Variants in DDX10 observed in about 807,000 individuals in gnomAD.
DDX10 encodes the protein DEAD-box helicase 10, also known as probable ATP-dependent RNA helicase DDX10.
A neutral mutation model predicts 104.3 loss-of-function variants in DDX10; 74 were observed. The observed-to-expected ratio is 0.71, with a 90% CI of 0.59 to 0.86. The LOEUF (loss-of-function observed/expected upper bound fraction) is 0.86, where lower values mean the gene tolerates loss of function less well. Among genes scored for constraint, DDX10 ranks in the 40% least tolerant of loss-of-function variants. The pLI, the probability that DDX10 is intolerant of heterozygous loss-of-function variation, is 0.00. For synonymous variants in DDX10, 351 were observed against 353.4 expected (o/e 0.99, Z 0.08); for missense variants, 952 against 1,040.0 (o/e 0.92, Z 1.16).
intron 15 of DDX10, among the ~76,000 whole-genome samples, chr11:108,847,396 G>C (rs1315947215): frequency 6.6e-6 from 1 of 152,134 alleles, no homozygotes; most frequent in Non-Finnish European, 1.5e-5. Context: ...GCTGAGAATA[G>C]AGAAAAACAA....
intron 13 of DDX10, among the ~76,000 whole-genome samples, chr11:108,818,289 A>C (rs1353797848): frequency 1.3e-5 from 2 of 152,210 alleles, no homozygotes; most frequent in Non-Finnish European, 2.9e-5. Context: ...AGCAGGTTGA[A>C]AATTAACTGT....
chr11:108,753,789 A>G (rs973926845), intron 13 of DDX10, among the ~76,000 whole-genome samples: 7 of 151,944 alleles, frequency 4.6e-5, no homozygotes, highest in African/African-American at 1.7e-4. Context: ...TACATGAGTG[A>G]GTTTCATTTT....
chr11:108,761,926 A>G (rs1323254138), intron 13 of DDX10, among the ~76,000 whole-genome samples: 2 of 152,298 alleles, frequency 1.3e-5, no homozygotes, highest in South Asian at 2.1e-4. Flanking sequence ...GTAAATTTAT[A>G]TAATATTTTC....
chr11:108,808,691 A>C (rs1045355806), intron 13 of DDX10, among the ~76,000 whole-genome samples: 4 of 152,182 alleles, frequency 2.6e-5, no homozygotes, highest in African/African-American at 9.7e-5. Context: ...AGATTTACTC[A>C]TCTACCCAGC....
chr11:108,794,684 T>A (rs1861915273), intron 13 of DDX10, among the ~76,000 whole-genome samples: 1 of 152,194 alleles, frequency 6.6e-6, no homozygotes, highest in Admixed American at 6.5e-5. Flanking sequence ...GGTTTTTGAA[T>A]GTTAAACCAA....
intron 13 of DDX10, among the ~76,000 whole-genome samples, chr11:108,797,814 T>C (rs1223091523): frequency 6.6e-6 from 1 of 152,348 alleles, no homozygotes. Flanking sequence ...ATTCTTTGAT[T>C]TCTGACGAAT....
intron 15 of DDX10, among the ~76,000 whole-genome samples, chr11:108,848,885 C>T (rs1311386518): frequency 6.6e-6 from 1 of 152,080 alleles, no homozygotes; most frequent in Non-Finnish European, 1.5e-5. Flanking sequence ...CTGCAAAGGG[C>T]AATGGTCTAT....
intron 15 of DDX10, among the ~76,000 whole-genome samples, chr11:108,845,503 A>T (rs1325032906): frequency 1.3e-5 from 2 of 152,102 alleles, no homozygotes; most frequent in Non-Finnish European, 2.9e-5. Context: ...TGTTACTTCT[A>T]TGAAAGTATA....
chr11:108,841,524 A>G (rs1471942528), intron 15 of DDX10, 48 bp downstream of exon 15: 1 of 1,517,804 alleles, frequency 6.6e-7, no homozygotes, highest in Non-Finnish European at 9.0e-7. Context: ...TAGTGTCCCG[A>G]AGTATATCTA....
chr11:108,894,232 A>G (rs1199787926), intron 16 of DDX10, among the ~76,000 whole-genome samples: 1 of 152,082 alleles, frequency 6.6e-6, no homozygotes, highest in Non-Finnish European at 1.5e-5. Context: ...TAGTTTTCAG[A>G]TAACAGGAAG....
chr11:108,723,599 C>T, intron 13 of DDX10, 137 bp downstream of exon 13: 1 of 826,074 alleles, frequency 1.2e-6, no homozygotes, highest in Non-Finnish European at 1.8e-6. Context: ...TCCTCCTTTC[C>T]CCCATACTTA....
intron 6 of DDX10, among the ~76,000 whole-genome samples, chr11:108,680,422 C>T (rs570798303): frequency 1.7e-4 from 26 of 152,254 alleles, no homozygotes; most frequent in African/African-American, 6.0e-4. Flanking sequence ...ACTACATTGC[C>T]CAGGCTGGTT....
intron 13 of DDX10, among the ~76,000 whole-genome samples, chr11:108,803,061 A>G (rs915652990): frequency 6.6e-6 from 1 of 152,260 alleles, no homozygotes. Flanking sequence ...ACGATTACAC[A>G]TACATGCTGT....
intron 16 of DDX10, among the ~76,000 whole-genome samples, chr11:108,910,628 G>A (rs555844782): frequency 1.3e-5 from 2 of 152,226 alleles, no homozygotes; most frequent in African/African-American, 4.8e-5. Flanking sequence ...TTCTTAAACT[G>A]TATTTCAGGA....
intron 13 of DDX10, among the ~76,000 whole-genome samples, chr11:108,754,550 A>T (rs2094342305): frequency 6.6e-6 from 1 of 152,036 alleles, no homozygotes; most frequent in South Asian, 2.1e-4. Context: ...TAAAGTATAC[A>T]TTGGGTGCAT....
At chr11:108,875,737 A>G (rs77925713) in intron 16 of DDX10, among the ~76,000 whole-genome samples, 177 of 152,314 alleles carry the variant, frequency 1.2e-3, no homozygotes, top group African/African-American at 4.1e-3. Context: ...TTCATGAAGC[A>G]CTTTCACGTT....
At chr11:108,906,497 C>T (rs1185129326) in intron 16 of DDX10, among the ~76,000 whole-genome samples, 1 of 152,118 alleles carries the variant, frequency 6.6e-6, no homozygotes, top group Admixed American at 6.5e-5. Context: ...TGGTAGATGT[C>T]AGTGTTCAGA....
intron 14 of DDX10, 36 bp from the exon 15 acceptor site, chr11:108,841,279 A>G (rs994140172): frequency 4.4e-6 from 7 of 1,590,088 alleles, no homozygotes; most frequent in African/African-American, 2.7e-5. Flanking sequence ...GGTATTCCCT[A>G]CTTCCTGTTG....
At chr11:108,859,952 C>T (rs1409695810) in intron 16 of DDX10, among the ~76,000 whole-genome samples, 1 of 152,112 alleles carries the variant, frequency 6.6e-6, no homozygotes. Context: ...TAAGATTATA[C>T]CATCATAATT....
Sources: allele counts gnomAD v4.1 joint callset (sites outside exome capture counted in the v4.1 genomes callset), GRCh38; gene constraint gnomAD v4.1.1; transcripts MANE v1.5; gene names NCBI Gene and HGNC (gene_info 2026-07-23, HGNC 2026-07-21).